HNRNPC: variants seen among roughly 807,000 people sequenced by gnomAD.
HNRNPC encodes heterogeneous nuclear ribonucleoproteins C1/C2.
Under a neutral mutation model 33.2 loss-of-function variants are expected in HNRNPC, and 3 were observed. That is an observed-to-expected ratio of 0.09 (90% CI 0.04 to 0.23). The LOEUF (loss-of-function observed/expected upper bound fraction) is 0.23. Among genes scored for constraint, HNRNPC ranks in the 10% least tolerant of loss-of-function variants. The pLI is 1.00. For missense variants in HNRNPC, 143 were observed against 366.7 expected (o/e 0.39, Z 4.98); for synonymous variants, 121 against 126.7 (o/e 0.96, Z 0.30).
At chr14:21,257,836 T>C (rs1877490832) in intron 2 of HNRNPC, among the ~76,000 whole-genome samples, 1 of 152,168 alleles carries the variant, frequency 6.6e-6, no homozygotes, top group Non-Finnish European at 1.5e-5. Context: ...GCTGGGATTA[T>C]AGGCATAAAC....
At chr14:21,223,272 A>G (rs1437545170) in intron 5 of HNRNPC, among the ~76,000 whole-genome samples, 1 of 152,112 alleles carries the variant, frequency 6.6e-6, no homozygotes, top group Non-Finnish European at 1.5e-5. Flanking sequence ...GAAGATTCAT[A>G]AAACACCAGG....
intron 1 of HNRNPC, chr14:21,265,013 CA>C (rs1204176000): frequency 4.0e-5 from 6 of 149,978 alleles, no homozygotes; most frequent in East Asian, 1.9e-4. Flanking sequence ...GACCCTGTCT[CA>C]AAAAAAAAAT....
chr14:21,265,199 G>A (rs952397549), intron 1 of HNRNPC: 1 of 152,168 alleles, frequency 6.6e-6, no homozygotes, highest in Non-Finnish European at 1.5e-5. Context: ...GTGAAGAATT[G>A]TAAGAAATAT....
intron 2 of HNRNPC, among the ~76,000 whole-genome samples, chr14:21,255,228 A>G (rs1388008140): frequency 6.6e-6 from 1 of 152,176 alleles, no homozygotes; most frequent in Non-Finnish European, 1.5e-5. Context: ...AAAAGCCTAA[A>G]TCTGGTTCAA....
chr14:21,236,803 C>CA (rs1314541825), intron 2 of HNRNPC, among the ~76,000 whole-genome samples: 1 of 152,122 alleles, frequency 6.6e-6, no homozygotes, highest in Non-Finnish European at 1.5e-5. Context: ...TCAGCAAGAG[C>CA]AGAGTAGTTT....
At chr14:21,242,202 G>A (rs1419316657) in intron 2 of HNRNPC, among the ~76,000 whole-genome samples, 1 of 152,030 alleles carries the variant, frequency 6.6e-6, no homozygotes, top group Admixed American at 6.6e-5. Flanking sequence ...ATAAGGTGTG[G>A]GGCCAGGCAA....
chr14:21,210,483 G>C lies in HNRNPC; in HGVS notation c.*740C>G, dbSNP rs998654107. The C allele has an allele frequency of 6.6e-6, 1 of 152,350 alleles. No homozygotes were observed. The highest frequency in any genetic ancestry group is 1.5e-5 in the Non-Finnish European group (1 of 67,990). The allele number at this position is 152,350 out of a possible 1,614,324, so 9.4% of individuals were successfully genotyped here. A position where few individuals can be genotyped will look rare whatever the true frequency, so the allele number is the denominator to read the frequency against. On this transcript the variant is annotated 3_prime_UTR_variant, in exon 9 of 9. Transcript: ENST00000553300. ...TCTAGTGCATTCTAGAGGTTTTGTG[G>C]AGGACGCTGTAAAACAAAGTTTGAA...
chr14:21,213,244 G>C (rs956707560), intron 5 of HNRNPC, 127 bp from the exon 6 acceptor site: 2 of 993,552 alleles, frequency 2.0e-6, no homozygotes, highest in African/African-American at 3.3e-5. Flanking sequence ...ATTTCATTAA[G>C]AAGGCCAGCA....
chr14:21,258,030 G>A (rs1364111747), intron 2 of HNRNPC, among the ~76,000 whole-genome samples: 1 of 152,156 alleles, frequency 6.6e-6, no homozygotes, highest in Non-Finnish European at 1.5e-5. Flanking sequence ...AACATATTTA[G>A]TTTTAAAATT....
At position 21,211,272 on chromosome 14, in the gene HNRNPC, T is replaced by C. The variant is rs537149543; in HGVS notation, c.833A>G (p.Glu278Gly). Residue 278 changes from glutamate (E) to glycine (G), a missense_variant, in exon 9 of 9, where the codon GAG (glutamate) becomes GGG (glycine). By Grantham distance (98) the Glu-to-Gly change is moderately conservative. Coordinates refer to ENST00000553300, the MANE Select transcript of HNRNPC (RefSeq NM_004500.4). ...GCTGTCTCTGTCATCCTCTCCTTCC[T>C]CAGCCTCTTTTTCATCATCCTTGAT... The part of the protein sequence containing the change: ...ELIKDDEKEA[E>G]EGEDDRDSAN... 6.2e-7 allele frequency: 1 copy of C among 1,614,180 alleles called. No homozygotes were observed. The highest frequency in any genetic ancestry group is 1.1e-5 in the South Asian group (1 of 91,086).
intron 1 of HNRNPC, among the ~76,000 whole-genome samples, chr14:21,267,791 CTACTAT>C (rs1234647985): frequency 2.0e-5 from 3 of 152,174 alleles, no homozygotes; most frequent in Non-Finnish European, 4.4e-5. Flanking sequence ...TCAATTTCAA[CTACTAT>C]TAACAGTTCT....
intron 2 of HNRNPC, among the ~76,000 whole-genome samples, chr14:21,256,917 G>C (rs1487008429): frequency 6.6e-6 from 1 of 152,096 alleles, no homozygotes; most frequent in Admixed American, 6.6e-5. Context: ...GCCTCCCAAA[G>C]TGCTGGGATT....
At chr14:21,256,171 G>T (rs901851539) in intron 2 of HNRNPC, among the ~76,000 whole-genome samples, 1 of 152,192 alleles carries the variant, frequency 6.6e-6, no homozygotes, top group Non-Finnish European at 1.5e-5. Flanking sequence ...CAATGGCCAG[G>T]CGTGGTGGAT....
chr14:21,245,831 C>T (rs1001137747), intron 2 of HNRNPC, among the ~76,000 whole-genome samples: 2 of 152,202 alleles, frequency 1.3e-5, no homozygotes, highest in African/African-American at 4.8e-5. Flanking sequence ...AATTTCTCAG[C>T]TCCATTATAA....
chr14:21,259,178 T>C (rs1211937878), intron 2 of HNRNPC, among the ~76,000 whole-genome samples: 1 of 152,204 alleles, frequency 6.6e-6, no homozygotes, highest in Admixed American at 6.5e-5. Flanking sequence ...TCCCCCTCAT[T>C]ATCTGTGCTT....
intron 1 of HNRNPC, among the ~76,000 whole-genome samples, chr14:21,266,306 G>A (rs1878970383): frequency 6.6e-6 from 1 of 151,960 alleles, no homozygotes; most frequent in Non-Finnish European, 1.5e-5. Context: ...TCACCATGTT[G>A]GCCAGGCTGG....
At chr14:21,231,120 A>G in intron 3 of HNRNPC, 48 bp from the exon 4 acceptor site, 1 of 1,540,872 alleles carries the variant, frequency 6.5e-7, no homozygotes, top group Non-Finnish European at 9.0e-7. Flanking sequence ...TATCCGGGTA[A>G]AACAAACTAC....
intron 2 of HNRNPC, among the ~76,000 whole-genome samples, chr14:21,257,959 C>T (rs1439085682): frequency 6.6e-6 from 1 of 152,180 alleles, no homozygotes; most frequent in African/African-American, 2.4e-5. Context: ...CATTAACTAC[C>T]TTGCACATAT....
At chr14:21,256,455 CA>C (rs929751540) in intron 2 of HNRNPC, among the ~76,000 whole-genome samples, 19 of 147,690 alleles carry the variant, frequency 1.3e-4, no homozygotes, top group East Asian at 5.9e-4. Flanking sequence ...ATCTCCCCCC[CA>C]AAAAAAAAAT....
Sources: allele counts gnomAD v4.1 joint callset (sites outside exome capture counted in the v4.1 genomes callset), GRCh38; gene constraint gnomAD v4.1.1; transcripts MANE v1.5; gene names NCBI Gene and HGNC (gene_info 2026-07-23, HGNC 2026-07-21).